MACROD2: variants seen among roughly 807,000 people sequenced by gnomAD.
The protein encoded by MACROD2 is ADP-ribose glycohydrolase MACROD2.
A neutral mutation model predicts 70.4 loss-of-function variants in MACROD2; 36 were observed. The observed-to-expected ratio is 0.51, with a 90% CI of 0.39 to 0.68. The LOEUF is 0.68. Ranked by LOEUF, MACROD2 falls within the 30% of genes least tolerant of loss-of-function variation. MACROD2 has a pLI of 0.00. For missense variants in MACROD2, 496 were observed against 538.4 expected (o/e 0.92, Z 0.78); for synonymous variants, 172 against 178.8 (o/e 0.96, Z 0.30).
At chr20:14,435,712 A>G (rs1568610640) in intron 3 of MACROD2, among the ~76,000 whole-genome samples, 1 of 148,588 alleles carries the variant, frequency 6.7e-6, no homozygotes, top group African/African-American at 2.5e-5. Context: ...TATAGAAGTC[A>G]TTTTTTTTTT....
chr20:14,693,115 T>C (rs767406494), intron 5 of MACROD2, among the ~76,000 whole-genome samples: 4 of 152,152 alleles, frequency 2.6e-5, no homozygotes, highest in Non-Finnish European at 4.4e-5. Flanking sequence ...TAGGTAATAA[T>C]GTAAATGGGC....
intron 8 of MACROD2, among the ~76,000 whole-genome samples, chr20:15,846,493 A>C (rs2064232446): frequency 1.3e-5 from 2 of 152,166 alleles, no homozygotes; most frequent in Non-Finnish European, 2.9e-5. Flanking sequence ...TCTCTCATCT[A>C]GTTATCCTGA....
chr20:14,612,404 G>C (rs6042818), intron 4 of MACROD2, among the ~76,000 whole-genome samples: 1 of 152,006 alleles, frequency 6.6e-6, no homozygotes, highest in Non-Finnish European at 1.5e-5. Flanking sequence ...ATTGCCTTTA[G>C]GACAACTGTA....
At chr20:14,547,248 GA>G in intron 4 of MACROD2, 1 of 590,460 alleles carries the variant, frequency 1.7e-6, no homozygotes, top group Non-Finnish European at 2.4e-6. Context: ...AGGGACACGT[GA>G]AGGATCTCAT....
chr20:14,836,357 T>C (rs895672749), intron 5 of MACROD2, among the ~76,000 whole-genome samples: 1 of 151,978 alleles, frequency 6.6e-6, no homozygotes, highest in African/African-American at 2.4e-5. Flanking sequence ...TCGTTAAAAT[T>C]CCAATGCTCC....
chr20:14,958,436 A>C (rs1406216821), intron 5 of MACROD2, among the ~76,000 whole-genome samples: 1 of 152,150 alleles, frequency 6.6e-6, no homozygotes, highest in African/African-American at 2.4e-5. Context: ...TGAGAAGACA[A>C]AGGGTTGAAC....
At chr20:15,430,779 A>C (rs980020078) in intron 6 of MACROD2, among the ~76,000 whole-genome samples, 1 of 151,934 alleles carries the variant, frequency 6.6e-6, no homozygotes, top group Non-Finnish European at 1.5e-5. Context: ...ATAATAAATA[A>C]TATATGTAAT....
At chr20:14,088,190 G>A (rs961787575) in intron 3 of MACROD2, among the ~76,000 whole-genome samples, 3 of 151,866 alleles carry the variant, frequency 2.0e-5, no homozygotes, top group South Asian at 2.1e-4. Flanking sequence ...TTAGCCAGGC[G>A]TGGTGGCGTG....
chr20:14,978,756 G>A (rs1291781675), intron 5 of MACROD2, among the ~76,000 whole-genome samples: 1 of 149,956 alleles, frequency 6.7e-6, no homozygotes, highest in East Asian at 1.9e-4. Context: ...AAATGAAAAC[G>A]AGAGAAAACA....
rs1569217337 is a variant in MACROD2, at chr20:14,230,647, ATATATAT to A, written c.271+144920_271+144926del. 1.4e-4 allele frequency among the ~76,000 whole-genome samples: 3 copies of A among 21,334 alleles called. 1 individual carries two copies. The highest frequency in any genetic ancestry group is 1.4e-3 in the Admixed American group (2 of 1,404). 14.0% of individuals were successfully genotyped at this position (21,334 alleles called of 152,430 possible). On this transcript the variant is annotated intron_variant, in intron 3 of 17. Transcript: ENST00000684519. ...CATTCATGTTTATATATATATATAT[ATATATAT>A]AACACAGGCTGGGCCTATATATATA...
intron 8 of MACROD2, among the ~76,000 whole-genome samples, chr20:15,825,988 C>G (rs144451198): frequency 3.7e-4 from 57 of 152,322 alleles, no homozygotes; most frequent in African/African-American, 1.1e-3. Context: ...CCCCCTCATC[C>G]AGGGCCATCC....
In MACROD2 at chr20:14,086,066, T is replaced by G; in HGVS notation, c.271+338T>G. The G allele has an allele frequency of 1.7e-5, 4 of 242,172 alleles. No individual in the cohort carries two copies. The South Asian group carries it at 2.2e-4, about 13-fold the overall frequency. 15.0% of individuals were successfully genotyped at this position (242,172 alleles called of 1,614,324 possible). ...AGCTTGAATTAATAGTTGGCCAACATAAATACAAGCTCATCAAGCTTTTTT... is the reference window on the plus strand; with the variant it reads ...AGCTTGAATTAATAGTTGGCCAACAGAAATACAAGCTCATCAAGCTTTTTT... On this transcript the variant is annotated intron_variant, in intron 3 of 17. Coordinates refer to ENST00000684519, the MANE Select transcript of MACROD2 (RefSeq NM_001351661.2).
intron 9 of MACROD2, among the ~76,000 whole-genome samples, chr20:15,880,611 A>G (rs2147199974): frequency 6.6e-6 from 1 of 152,130 alleles, no homozygotes; most frequent in Non-Finnish European, 1.5e-5. Flanking sequence ...ATAGTACAGA[A>G]CATGCTTTGA....
chr20:15,485,216 T>C (rs1442820323), intron 7 of MACROD2, among the ~76,000 whole-genome samples: 1 of 152,034 alleles, frequency 6.6e-6, no homozygotes, highest in East Asian at 1.9e-4. Context: ...TGAAGGCCTG[T>C]TACTTTGTAA....
chr20:15,747,649 T>C (rs921509239), intron 8 of MACROD2, among the ~76,000 whole-genome samples: 2 of 152,222 alleles, frequency 1.3e-5, no homozygotes, highest in Non-Finnish European at 2.9e-5. Context: ...ATTAAATTTG[T>C]ATCCCGCATC....
At chr20:15,895,942 G>A (rs1432660546) in intron 10 of MACROD2, among the ~76,000 whole-genome samples, 2 of 152,182 alleles carry the variant, frequency 1.3e-5, no homozygotes, top group African/African-American at 4.8e-5. Context: ...ACTTATCAGA[G>A]TTTCTATTTT....
intron 6 of MACROD2, among the ~76,000 whole-genome samples, chr20:15,358,811 C>CTTT (rs11471817): frequency 3.3e-4 from 48 of 147,038 alleles, no homozygotes; most frequent in East Asian, 9.9e-4. Flanking sequence ...GCTCTTGTTC[C>CTTT]TTTTTTTTTT....
chr20:15,027,560 G>C (rs941923936), intron 5 of MACROD2, among the ~76,000 whole-genome samples: 394 of 142,124 alleles, frequency 2.8e-3, no homozygotes, highest in African/African-American at 9.1e-3. Flanking sequence ...GTGGTGGTGG[G>C]GGGAAATAAT....
chr20:14,235,892 A>G (rs982947813), intron 3 of MACROD2, among the ~76,000 whole-genome samples: 1 of 141,272 alleles, frequency 7.1e-6, no homozygotes, highest in Non-Finnish European at 1.5e-5. Flanking sequence ...TCTTCTGGAA[A>G]GGCAAATAAT....
Sources: gnomAD v4.1 joint callset for allele counts (sites outside exome capture counted in the v4.1 genomes callset) on GRCh38, gnomAD v4.1.1 for gene constraint, MANE v1.5 for transcripts, NCBI Gene and HGNC (gene_info 2026-07-23, HGNC 2026-07-21) for gene names.